Variants in NAB1 observed in about 807,000 individuals in gnomAD.
The protein encoded by NAB1 is NGFI-A binding protein 1.
A neutral mutation model predicts 49.9 loss-of-function variants in NAB1; 25 were observed. The observed-to-expected ratio is 0.50, with a 90% CI of 0.37 to 0.70. The LOEUF (loss-of-function observed/expected upper bound fraction) is 0.70. NAB1 is among the 30% of genes least tolerant of loss of function. The pLI is 0.00. For missense variants in NAB1, 489 were observed against 575.9 expected (o/e 0.85, Z 1.54); for synonymous variants, 198 against 215.6 (o/e 0.92, Z 0.71).
intron 4 of NAB1, among the ~76,000 whole-genome samples, chr2:190,664,126 A>G (rs1467369189): frequency 1.3e-5 from 2 of 152,182 alleles, no homozygotes; most frequent in East Asian, 1.9e-4. Flanking sequence ...CTGTCATTCA[A>G]ATCTTATATT....
intron 7 of NAB1, 42 bp downstream of exon 7, chr2:190,683,869 A>C (rs1365499420): frequency 1.4e-6 from 2 of 1,462,934 alleles, no homozygotes; most frequent in Non-Finnish European, 1.9e-6. Flanking sequence ...TAGTATCTGA[A>C]GGTTAAAAAA....
At chr2:190,660,132 A>G (rs912191225) in intron 4 of NAB1, 137 bp downstream of exon 4, 4 of 717,430 alleles carry the variant, frequency 5.6e-6, no homozygotes, top group African/African-American at 3.6e-5. Context: ...TGTTAGCAAC[A>G]TGTAGCACTT....
At chr2:190,662,743 G>A (rs1395997520) in intron 4 of NAB1, among the ~76,000 whole-genome samples, 1 of 152,196 alleles carries the variant, frequency 6.6e-6, no homozygotes, top group Non-Finnish European at 1.5e-5. Context: ...TAAGCAGGTA[G>A]ATAATTTGGC....
Position 190,676,197 on chromosome 2 carries a change from G to A in NAB1, c.1005+3045G>A, listed in dbSNP as rs957626406. 2.0e-5 allele frequency among the ~76,000 whole-genome samples: 3 copies of A among 152,084 alleles called. No homozygotes were observed. Among genetic ancestry groups the A allele is most frequent in the African/African-American group, 7.2e-5 (3 of 41,404 alleles). On this transcript the variant is annotated intron_variant, in intron 6 of 9. Coordinates refer to ENST00000337386, the MANE Select transcript of NAB1 (RefSeq NM_005966.4). This position sits in a 1 kb window ranked among gnomAD's most constrained non-coding sequence, Gnocchi z 4.6. The stretch of plus-strand genomic sequence containing the variant: ...GAAGGGTAGAATTTCAAAAGGTAGC[G>A]ATGTGGGGAGGGGATTGGGGTGGCA...
rs560162175 is a variant in NAB1, at chr2:190,676,847, G to A, written c.1005+3695G>A. On this transcript the variant is annotated intron_variant, in intron 6 of 9. Transcript: ENST00000337386. This position sits in a 1 kb window ranked among gnomAD's most constrained non-coding sequence, Gnocchi z 4.6. Reference sequence around the variant, plus strand: ...AAATCCTTTATAACAATAAGCATATGTGCCACATTGCTGGCTTTTTCCATC... The same window carrying A: ...AAATCCTTTATAACAATAAGCATATATGCCACATTGCTGGCTTTTTCCATC... 8.5e-5 allele frequency: 13 copies of A among 152,116 alleles called. No individual in the cohort carries two copies. Among genetic ancestry groups the A allele is most frequent in the Non-Finnish European group, 1.6e-4 (11 of 68,016 alleles). The allele number at this position is 152,116 out of a possible 1,614,324, so 9.4% of individuals were successfully genotyped here.
At position 190,676,591 on chromosome 2, in the gene NAB1, G is replaced by C. The variant is rs1307402113; in HGVS notation, c.1005+3439G>C. 6.6e-6 allele frequency among the ~76,000 whole-genome samples: 1 copy of C among 152,184 alleles called. No homozygotes were observed. Among genetic ancestry groups the C allele is most frequent in the Non-Finnish European group, 1.5e-5 (1 of 68,040 alleles). ...AAAAATTAGCCAGGCATGATGGCAT[G>C]TGCCTGTAGTCCCAGCTAATCAGGA... On this transcript the variant is annotated intron_variant, in intron 6 of 9. Coordinates refer to ENST00000337386, the MANE Select transcript of NAB1 (RefSeq NM_005966.4). The surrounding 1 kb of genome is among the most constrained non-coding windows in gnomAD (Gnocchi z 4.6).
chr2:190,673,158 G>C lies in NAB1; in HGVS notation c.1005+6G>C. 1.2e-6 allele frequency: 2 copies of C among 1,610,310 alleles called. No individual in the cohort carries two copies. The highest frequency in any genetic ancestry group is 1.1e-5 in the South Asian group (1 of 90,926). The stretch of plus-strand genomic sequence containing the variant: ...CAAAGAGAATTAAAGTGGAGGTATG[G>C]TCATATGTTACATTTTCTTATGCTG... On this transcript the variant is annotated splice_donor_region_variant and intron_variant, in intron 6 of 9. Transcript: ENST00000337386.
intron 9 of NAB1, 101 bp downstream of exon 9, chr2:190,687,418 A>G: frequency 1.9e-6 from 1 of 531,634 alleles, no homozygotes; most frequent in South Asian, 2.5e-5. Flanking sequence ...AAAAAAAAAA[A>G]AGTCATTACT....
intron 4 of NAB1, among the ~76,000 whole-genome samples, chr2:190,661,967 A>G (rs1694248267): frequency 6.6e-6 from 1 of 152,256 alleles, no homozygotes; most frequent in African/African-American, 2.4e-5. Context: ...TATATCTTTT[A>G]GGTATTATGA....
chr2:190,692,298 C>T lies in NAB1; in HGVS notation c.*1965C>T, dbSNP rs2125915649. The T allele has an allele frequency of 6.6e-6, 1 of 152,574 alleles. No individual in the cohort carries two copies. The highest frequency in any genetic ancestry group is 2.1e-4 in the South Asian group (1 of 4,822). The allele number at this position is 152,574 out of a possible 1,614,324, so 9.5% of individuals were successfully genotyped here. A position where few individuals can be genotyped will look rare whatever the true frequency, so the allele number is the denominator to read the frequency against. ...TCATAAGCCACAATTTTAAAAGATG[C>T]AGTAATCTTCCAACTTCCAATATTT... On this transcript the variant is annotated 3_prime_UTR_variant, in exon 10 of 10. Coordinates refer to ENST00000337386, the MANE Select transcript of NAB1 (RefSeq NM_005966.4). This position sits in a 1 kb window ranked among gnomAD's most constrained non-coding sequence, Gnocchi z 5.2.
In NAB1 at chr2:190,674,508, G is replaced by C. The variant is rs965593611; in HGVS notation, c.1005+1356G>C. ...ATAGCATTCGCCAGTATTTGAAACT[G>C]TTAGTTACTTGTTTTAAATTTATTA... is the stretch of plus-strand genomic sequence containing the variant. On this transcript the variant is annotated intron_variant, in intron 6 of 9. Transcript: ENST00000337386. This position sits in a 1 kb window ranked among gnomAD's most constrained non-coding sequence, Gnocchi z 5.7. Among the ~76,000 whole-genome samples the C allele has an allele frequency of 6.6e-6, 1 of 152,160 alleles. No individual in the cohort carries two copies. The highest frequency in any genetic ancestry group is 1.9e-4 in the East Asian group (1 of 5,202).
At position 190,686,206 on chromosome 2, in the gene NAB1, AT is replaced by A. The variant is rs1479864183; in HGVS notation, c.1258+575del. On this transcript the variant is annotated intron_variant, in intron 8 of 9. Transcript: ENST00000337386. This position sits in a 1 kb window ranked among gnomAD's most constrained non-coding sequence, Gnocchi z 5.5. The stretch of plus-strand genomic sequence containing the variant: ...TATTCACCCAACCAACAGGCATTTT[AT>A]TTTTTTAGCAATTCCTATGTGCCAG... Among the ~76,000 whole-genome samples the A allele has an allele frequency of 6.6e-6, 1 of 152,168 alleles. No homozygotes were observed. The highest frequency in any genetic ancestry group is 6.5e-5 in the Admixed American group (1 of 15,274).
In NAB1 at chr2:190,659,355, G is replaced by C. The variant is rs1694098300; in HGVS notation, c.179G>C (p.Ser60Thr). 2 of 1,614,174 alleles carry C rather than the reference G, an allele frequency of 1.2e-6. No individual in the cohort carries two copies. The highest frequency in any genetic ancestry group is 4.5e-5 in the East Asian group (2 of 44,878). ...LEIMALVGMA[S>T]KPLHVRRLQK... ...ATCATGGCACTCGTGGGCATGGCTA[G>C]CAAGCCCCTTCATGTTAGAAGGCTG... The change falls in exon 4 of 10, where the codon AGC (serine) becomes ACC (threonine). Residue 60 changes from serine to threonine, a missense_variant. Coordinates refer to ENST00000337386, the MANE Select transcript of NAB1 (RefSeq NM_005966.4). The surrounding 1 kb of genome is among the most constrained non-coding windows in gnomAD (Gnocchi z 6.2).
rs1694511147 is a variant in NAB1 at position 190,666,260 on chromosome 2, C to T, written c.820-4066C>T. ...ACAGTTGTTCACAGTGTTTTTGTGC[C>T]AACAGTACTTAAAGTCACAATCATT... On this transcript the variant is annotated intron_variant, in intron 4 of 9. Transcript: ENST00000337386. The surrounding 1 kb of genome is among the most constrained non-coding windows in gnomAD (Gnocchi z 5.6). Among the ~76,000 whole-genome samples the T allele has an allele frequency of 6.6e-6, 1 of 152,056 alleles. No individual in the cohort carries two copies. Among genetic ancestry groups the T allele is most frequent in the African/African-American group, 2.4e-5 (1 of 41,376 alleles).
rs1695044074 is a variant in NAB1, at chr2:190,675,869, T to C, written c.1005+2717T>C. On this transcript the variant is annotated intron_variant, in intron 6 of 9. Transcript: ENST00000337386. This position sits in a 1 kb window ranked among gnomAD's most constrained non-coding sequence, Gnocchi z 5.2. ...GTATCTCTTGAACGTGTGTGTGTCT[T>C]GTGTGTATGTATACCTACACATGTA... Among the ~76,000 whole-genome samples the C allele has an allele frequency of 6.6e-6, 1 of 152,216 alleles. No homozygotes were observed. The highest frequency in any genetic ancestry group is 1.5e-5 in the Non-Finnish European group (1 of 68,038).
chr2:190,651,317 T>C lies in NAB1; in HGVS notation c.-197+1335T>C, dbSNP rs1693658061. ...AAGTGGCAAATAACATCCACTGTCG[T>C]ATGAGAAAGTTAATAGATGTTTATT... On this transcript the variant is annotated intron_variant, in intron 2 of 9. Coordinates refer to ENST00000337386, the MANE Select transcript of NAB1 (RefSeq NM_005966.4). This position sits in a 1 kb window ranked among gnomAD's most constrained non-coding sequence, Gnocchi z 4.3. Among the ~76,000 whole-genome samples, 1 of 152,208 alleles carries C rather than the reference T, an allele frequency of 6.6e-6. No individual in the cohort carries two copies. Among genetic ancestry groups the C allele is most frequent in the South Asian group, 2.1e-4 (1 of 4,836 alleles).
rs1695522476 is a variant in NAB1, at chr2:190,684,773, A to G, written c.1096-703A>G. On this transcript the variant is annotated intron_variant, in intron 7 of 9. Transcript: ENST00000337386. This position sits in a 1 kb window ranked among gnomAD's most constrained non-coding sequence, Gnocchi z 4.6. ...ATACCACAAATACACTGCTCTGAAT[A>G]TCACATATAAGTAATTTAGAGCAGT... 6.6e-6 allele frequency among the ~76,000 whole-genome samples: 1 copy of G among 152,228 alleles called. No homozygotes were observed. The highest frequency in any genetic ancestry group is 1.5e-5 in the Non-Finnish European group (1 of 68,046).
rs1310217006 is a variant in NAB1, at chr2:190,680,566, T to G, written c.1006-3172T>G. Among the ~76,000 whole-genome samples, 1 of 152,232 alleles carries G rather than the reference T, an allele frequency of 6.6e-6. No individual in the cohort carries two copies. The highest frequency in any genetic ancestry group is 2.4e-5 in the African/African-American group (1 of 41,458). On this transcript the variant is annotated intron_variant, in intron 6 of 9. Coordinates refer to ENST00000337386, the MANE Select transcript of NAB1 (RefSeq NM_005966.4). This position sits in a 1 kb window ranked among gnomAD's most constrained non-coding sequence, Gnocchi z 5.2. Reference sequence around the variant, plus strand: ...CATGGCCATCTTGTTTGACGTTGTATTCCCATATTGAGTACAGTGTATGAA... The same window carrying G: ...CATGGCCATCTTGTTTGACGTTGTAGTCCCATATTGAGTACAGTGTATGAA...
At position 190,689,828 on chromosome 2, in the gene NAB1, C is replaced by CTT. The variant is rs1695826739; in HGVS notation, c.1376-414_1376-413dup. ...CAGTTATTTATGAATAATCAGCTTCCTTTTATATATTTATCATGTTGGATC... is the reference window on the plus strand; with the variant it reads ...CAGTTATTTATGAATAATCAGCTTCCTTTTTTATATATTTATCATGTTGGATC... On this transcript the variant is annotated intron_variant, in intron 9 of 9. Coordinates refer to ENST00000337386, the MANE Select transcript of NAB1 (RefSeq NM_005966.4). This position sits in a 1 kb window ranked among gnomAD's most constrained non-coding sequence, Gnocchi z 4.3. Among the ~76,000 whole-genome samples the CTT allele has an allele frequency of 6.6e-6, 1 of 151,480 alleles. No homozygotes were observed. Among genetic ancestry groups the CTT allele is most frequent in the Admixed American group, 6.6e-5 (1 of 15,222 alleles).
Sources: gnomAD v4.1 joint callset for allele counts (sites outside exome capture counted in the v4.1 genomes callset) on GRCh38, gnomAD v4.1.1 for gene constraint, Gnocchi (gnomAD v3.1) non-coding constraint, MANE v1.5 for transcripts, NCBI Gene and HGNC (gene_info 2026-07-23, HGNC 2026-07-21) for gene names.